The following INSYN2B variants were observed in gnomAD, a reference collection of about 807,000 sequenced individuals.
INSYN2B encodes the protein inhibitory synaptic factor family member 2B, also known as protein INSYN2B.
INSYN2B carries 16 observed loss-of-function variants against 41.2 expected under a neutral mutation model. The observed-to-expected ratio is 0.39, with a 90% CI of 0.26 to 0.59. INSYN2B has a LOEUF of 0.59. Ranked by LOEUF, INSYN2B falls within the 20% of genes least tolerant of loss-of-function variation. INSYN2B has a pLI of 0.57. For synonymous variants in INSYN2B, 245 were observed against 244.4 expected (o/e 1.00, Z -0.02); for missense variants, 608 against 646.4 (o/e 0.94, Z 0.64).
chr5:169,974,102 C>G (rs891349230), intron 1 of INSYN2B, among the ~76,000 whole-genome samples: 1 of 152,122 alleles, frequency 6.6e-6, no homozygotes, highest in Non-Finnish European at 1.5e-5. Context: ...AAATGATAGC[C>G]TCCTTTTTTT....
At chr5:169,888,093 G>A (rs1359062001) in intron 1 of INSYN2B, among the ~76,000 whole-genome samples, 4 of 152,306 alleles carry the variant, frequency 2.6e-5, no homozygotes, top group East Asian at 1.9e-4. Context: ...GGAAACTCTC[G>A]TATTTTTAGA....
intron 1 of INSYN2B, among the ~76,000 whole-genome samples, chr5:169,920,169 G>T (rs1309721108): frequency 6.6e-6 from 1 of 152,128 alleles, no homozygotes; most frequent in African/African-American, 2.4e-5. Context: ...GATAGAGCTA[G>T]GTTCAAACCC....
intron 1 of INSYN2B, among the ~76,000 whole-genome samples, chr5:169,951,057 C>T (rs956171627): frequency 1.3e-5 from 2 of 152,342 alleles, no homozygotes; most frequent in East Asian, 1.9e-4. Context: ...TCCCACACCA[C>T]AGTGATTGGC....
At chr5:169,906,570 T>C (rs2113604003) in intron 1 of INSYN2B, among the ~76,000 whole-genome samples, 1 of 152,290 alleles carries the variant, frequency 6.6e-6, no homozygotes, top group African/African-American at 2.4e-5. Flanking sequence ...GGGTTCAAGC[T>C]ATCCTCCTGC....
At chr5:169,961,853 C>A (rs148259738) in intron 1 of INSYN2B, among the ~76,000 whole-genome samples, 1 of 151,736 alleles carries the variant, frequency 6.6e-6, no homozygotes, top group South Asian at 2.1e-4. Flanking sequence ...GTGGCAGGCA[C>A]CTGTAATCCC....
At chr5:169,923,673 A>G (rs567827371) in intron 1 of INSYN2B, among the ~76,000 whole-genome samples, 3 of 152,388 alleles carry the variant, frequency 2.0e-5, no homozygotes, top group Admixed American at 2.0e-4. Flanking sequence ...GAAGGTTAAT[A>G]GGACTAAGTA....
chr5:169,978,710 GAATT>G (rs1326507041), intron 1 of INSYN2B, among the ~76,000 whole-genome samples: 4 of 152,092 alleles, frequency 2.6e-5, no homozygotes, highest in South Asian at 2.1e-4. Context: ...CCGAAGGGCT[GAATT>G]AATTAAGAGG....
chr5:169,895,526 C>G (rs368959585), intron 1 of INSYN2B, among the ~76,000 whole-genome samples: 1 of 152,100 alleles, frequency 6.6e-6, no homozygotes, highest in African/African-American at 2.4e-5. Context: ...CCAGCATTCA[C>G]GCATCCTCTT....
At chr5:169,914,772 A>G (rs915289668) in intron 1 of INSYN2B, among the ~76,000 whole-genome samples, 1 of 152,176 alleles carries the variant, frequency 6.6e-6, no homozygotes, top group South Asian at 2.1e-4. Context: ...CTTTGCCTCA[A>G]CCATGCCTTC....
At chr5:169,974,294 A>G (rs1777634489) in intron 1 of INSYN2B, among the ~76,000 whole-genome samples, 1 of 152,200 alleles carries the variant, frequency 6.6e-6, no homozygotes, top group South Asian at 2.1e-4. Context: ...GTATCCTATA[A>G]CTGTTGGCTA....
chr5:169,928,951 G>A (rs1775610975), intron 1 of INSYN2B, among the ~76,000 whole-genome samples: 3 of 152,210 alleles, frequency 2.0e-5, no homozygotes, highest in South Asian at 4.1e-4. Flanking sequence ...TTATGCCAAA[G>A]CTTGCTTTGA....
chr5:169,915,274 A>G (rs1404345348), intron 1 of INSYN2B, among the ~76,000 whole-genome samples: 1 of 152,242 alleles, frequency 6.6e-6, no homozygotes, highest in Non-Finnish European at 1.5e-5. Flanking sequence ...AATGCTAATT[A>G]TTACCAGTTT....
chr5:169,973,683 C>T (rs1196987243), intron 1 of INSYN2B, among the ~76,000 whole-genome samples: 1 of 152,172 alleles, frequency 6.6e-6, no homozygotes, highest in Non-Finnish European at 1.5e-5. Flanking sequence ...GGTATTGGTA[C>T]CTCATACAGA....
chr5:169,964,286 GC>G (rs1777210878), intron 1 of INSYN2B, among the ~76,000 whole-genome samples: 1 of 152,096 alleles, frequency 6.6e-6, no homozygotes, highest in Non-Finnish European at 1.5e-5. Context: ...CCGGACTCTG[GC>G]CCCCATCAGG....
chr5:169,932,258 G>A (rs1483492538), intron 1 of INSYN2B, among the ~76,000 whole-genome samples: 1 of 152,218 alleles, frequency 6.6e-6, no homozygotes, highest in African/African-American at 2.4e-5. Flanking sequence ...GCCCTGTTAT[G>A]AGGAAGGAGC....
At position 169,882,855 on chromosome 5, in the gene INSYN2B, C is replaced by T. The variant is rs373092434; in HGVS notation, c.1044G>A (p.Ser348=). ...GCTCCTGACACCCAGGGGCAGATTT[C>T]GATGCACTGTTAGTTTTGAGTGACA... The part of the protein sequence containing the change: ...NLVSLKTNSA[S]KSAPGCQEQT... The change falls in exon 2 of 4, where the codon TCG becomes TCA. Residue 348 remains serine (S), a synonymous_variant. Transcript: ENST00000377365. The T allele has an allele frequency of 1.4e-5, 21 of 1,550,890 alleles. No homozygotes were observed. Among genetic ancestry groups the T allele is most frequent in the Admixed American group, 7.8e-5 (4 of 50,964 alleles).
At position 169,978,315 on chromosome 5, in the gene INSYN2B, A is replaced by G. The variant is rs11956230; in HGVS notation, c.-919+1962T>C. ...TTTTGTTTGTTTGTTTCCCAAGGCA[A>G]GGCAAACTGGTAGCCTTTCCCTCAG... is the stretch of plus-strand genomic sequence containing the variant. On this transcript the variant is annotated intron_variant, in intron 1 of 3. Coordinates refer to ENST00000377365, the MANE Select transcript of INSYN2B (RefSeq NM_001129891.3). 9.2e-3 allele frequency among the ~76,000 whole-genome samples: 1,252 copies of G among 135,782 alleles called. 20 individuals are homozygous for G. The highest frequency in any genetic ancestry group is 0.033 in the African/African-American group (1,190 of 36,046). 89.1% of individuals were successfully genotyped at this position (135,782 alleles called of 152,430 possible).
chr5:169,945,262 A>G (rs1776399809), intron 1 of INSYN2B, among the ~76,000 whole-genome samples: 1 of 152,266 alleles, frequency 6.6e-6, no homozygotes, highest in Non-Finnish European at 1.5e-5. Context: ...ACAACGGGTC[A>G]ATAATACCAT....
chr5:169,883,765 G>A lies in INSYN2B; in HGVS notation c.134C>T (p.Thr45Ile), dbSNP rs1392435353. Residue 45 changes from threonine (T) to isoleucine (I), a missense_variant, in exon 2 of 4, where the codon ACT becomes ATT. Physicochemically the swap from Thr to Ile is moderately conservative, Grantham distance 89 (BLOSUM62 -1). Coordinates refer to ENST00000377365, the MANE Select transcript of INSYN2B (RefSeq NM_001129891.3). The stretch of plus-strand genomic sequence containing the variant: ...CTCAGCTAGGCCAGTTGGATTCTTA[G>A]TGGTCCCATCTTCCTTGAATCTCAC... ...QQVRFKEDGTTKNPTGLAEVD... is the reference protein window; with the variant it reads ...QQVRFKEDGTIKNPTGLAEVD... The A allele has an allele frequency of 3.9e-6, 6 of 1,551,554 alleles. No homozygotes were observed. The African/African-American group carries it at 5.5e-5, about 14-fold the overall frequency.
Sources: gnomAD v4.1 joint callset for allele counts (sites outside exome capture counted in the v4.1 genomes callset) on GRCh38, gnomAD v4.1.1 for gene constraint, MANE v1.5 for transcripts, NCBI Gene and HGNC (gene_info 2026-07-23, HGNC 2026-07-21) for gene names.